TCP10L: variants seen among roughly 807,000 people sequenced by gnomAD.
TCP10L encodes the protein t-complex 10 like.
In TCP10L, 11 loss-of-function variants were observed where a neutral mutation model predicts 19.2. The ratio of observed to expected loss-of-function variants is 0.57; its 90% CI spans 0.36 to 0.95. The LOEUF (loss-of-function observed/expected upper bound fraction) is 0.95, where lower values mean the gene tolerates loss of function less well. Among genes scored for constraint, TCP10L ranks in the 40% least tolerant of loss-of-function variants. The probability of loss-of-function intolerance (pLI) is 0.01; values close to 1 mark genes in which losing one functional copy is unlikely to be tolerated. For missense variants in TCP10L, 247 were observed against 263.9 expected (o/e 0.94, Z 0.44); for synonymous variants, 96 against 97.2 (o/e 0.99, Z 0.07).
Position 32,576,428 on chromosome 21 carries a change from G to A in TCP10L, c.*346C>T, listed in dbSNP as rs2038434092. On this transcript the variant is annotated 3_prime_UTR_variant, in exon 5 of 5. Transcript: ENST00000300258. ...CACAAAGCCATCTTCAGCCATCCTC[G>A]ATTTCCAGCAAGACCCCAGGGCTCA... is the stretch of plus-strand genomic sequence containing the variant. 1.2e-6 allele frequency: 1 copy of A among 812,416 alleles called. No homozygotes were observed. Among genetic ancestry groups the A allele is most frequent in the Non-Finnish European group, 1.9e-6 (1 of 527,068 alleles). 50.3% of individuals were successfully genotyped at this position (812,416 alleles called of 1,614,324 possible). A position where few individuals can be genotyped will look rare whatever the true frequency, so the allele number is the denominator to read the frequency against.
rs1472532205 is a variant in TCP10L, at chr21:32,582,451, A to C, written c.145-36T>G. The C allele has an allele frequency of 2.5e-6, 4 of 1,588,416 alleles. No individual in the cohort carries two copies. The Admixed American group carries it at 7.2e-5, about 29-fold the overall frequency. ...GAAGAGAACACCAGAAAAACCTCTC[A>C]GATGTCACAATGGGCACATTTATCT... On this transcript the variant is annotated intron_variant, in intron 2 of 4. Coordinates refer to ENST00000300258, the MANE Select transcript of TCP10L (RefSeq NM_144659.7). The surrounding 1 kb of genome is among the most constrained non-coding windows in gnomAD (Gnocchi z 4.2).
rs1421115715 is a variant in TCP10L at position 32,582,014 on chromosome 21, C to T, written c.360+186G>A. On this transcript the variant is annotated intron_variant, in intron 3 of 4. Transcript: ENST00000300258. This position sits in a 1 kb window ranked among gnomAD's most constrained non-coding sequence, Gnocchi z 4.2. ...GTCTGCTGGAGTGCCAGGTGAGAGGCCTGATGTATCCAGTTCTTATTAATC... is the reference window on the plus strand; with the variant it reads ...GTCTGCTGGAGTGCCAGGTGAGAGGTCTGATGTATCCAGTTCTTATTAATC... 6.6e-6 allele frequency among the ~76,000 whole-genome samples: 1 copy of T among 152,026 alleles called. No homozygotes were observed. Among genetic ancestry groups the T allele is most frequent in the Non-Finnish European group, 1.5e-5 (1 of 68,008 alleles).
At chr21:32,585,002 G>T (rs138438145) in intron 1 of TCP10L, among the ~76,000 whole-genome samples, 290 of 152,276 alleles carry the variant, frequency 1.9e-3, no homozygotes, top group African/African-American at 6.8e-3. Flanking sequence ...CTGCAAGCCT[G>T]CAGGGTCGTC....
intron 2 of TCP10L, among the ~76,000 whole-genome samples, chr21:32,583,825 A>G (rs982505377): frequency 6.6e-5 from 10 of 151,784 alleles, no homozygotes; most frequent in Non-Finnish European, 1.2e-4. Flanking sequence ...GATGGTAAAA[A>G]TCAGGAAACT....
At chr21:32,576,957 TA>T (rs2038442886) in intron 4 of TCP10L, 34 bp from the exon 5 acceptor site, 1 of 1,589,388 alleles carries the variant, frequency 6.3e-7, no homozygotes, top group Non-Finnish European at 8.6e-7. Context: ...TTTGCATTAG[TA>T]ACAATTATAT....
In TCP10L at chr21:32,579,431, G is replaced by A. The variant is rs570416641; in HGVS notation, c.361-600C>T. Among the ~76,000 whole-genome samples, 4 of 152,276 alleles carry A rather than the reference G, an allele frequency of 2.6e-5. No homozygotes were observed. The East Asian group carries it at 5.8e-4, about 22-fold the overall frequency. On this transcript the variant is annotated intron_variant, in intron 3 of 4. Coordinates refer to ENST00000300258, the MANE Select transcript of TCP10L (RefSeq NM_144659.7). ...GTGGCTCACCCACACAGCCATGCCC[G>A]CGTTCTGTGGGTGCTCGAGTCTCAG...
intron 2 of TCP10L, among the ~76,000 whole-genome samples, chr21:32,583,588 CAAAA>C (rs771224269): frequency 3.0e-3 from 245 of 82,886 alleles, no homozygotes; most frequent in African/African-American, 6.5e-3. Flanking sequence ...GACTCCGTCT[CAAAA>C]AAAAAAAAAA....
rs1044652887 is a variant in TCP10L, at chr21:32,576,251, C to T, written c.*523G>A. The T allele has an allele frequency of 4.5e-6, 7 of 1,565,804 alleles. No homozygotes were observed. Among genetic ancestry groups the T allele is most frequent in the African/African-American group, 2.7e-5 (2 of 73,966 alleles). On this transcript the variant is annotated 3_prime_UTR_variant, in exon 5 of 5. Coordinates refer to ENST00000300258, the MANE Select transcript of TCP10L (RefSeq NM_144659.7). ...GCTGCCATCTGCTCCTGCAGCATGG[C>T]GGCCTGGGAAGCCTGCACTGGTGAT...
At chr21:32,580,476 CTGTGTGTGTGTGTGTGTGTGTGTG>C (rs3056366) in intron 3 of TCP10L, among the ~76,000 whole-genome samples, 4 of 137,236 alleles carry the variant, frequency 2.9e-5, no homozygotes, top group African/African-American at 8.2e-5. Flanking sequence ...CGGTGGGTGC[CTGTGTGTGTGTGTGTGTGTGTGTG>C]TGTGTGTGTG....
At chr21:32,581,638 C>G (rs1445470322) in intron 3 of TCP10L, among the ~76,000 whole-genome samples, 1 of 152,170 alleles carries the variant, frequency 6.6e-6, no homozygotes, top group Non-Finnish European at 1.5e-5. Context: ...GAGCCACACC[C>G]CCATCGCACA....
intron 2 of TCP10L, among the ~76,000 whole-genome samples, chr21:32,583,433 C>T (rs1212181491): frequency 6.6e-6 from 1 of 151,338 alleles, no homozygotes; most frequent in African/African-American, 2.4e-5. Flanking sequence ...ACTAAAAATA[C>T]AAAAAATTAG....
rs190872078 is a variant in TCP10L at position 32,582,869 on chromosome 21, A to G, written c.145-454T>C. Among the ~76,000 whole-genome samples, 3 of 152,160 alleles carry G rather than the reference A, an allele frequency of 2.0e-5. No individual in the cohort carries two copies. The highest frequency in any genetic ancestry group is 4.4e-5 in the Non-Finnish European group (3 of 68,010). The stretch of plus-strand genomic sequence containing the variant: ...CGGCCTCCCAAAGTGCTGGGATTAC[A>G]GGAATAAGCTACCATGCCTGGCCAT... On this transcript the variant is annotated intron_variant, in intron 2 of 4. Transcript: ENST00000300258. The surrounding 1 kb of genome is among the most constrained non-coding windows in gnomAD (Gnocchi z 4.2).
rs2038500724 is a variant in TCP10L at position 32,582,088 on chromosome 21, C to G, written c.360+112G>C. ...ATGGAAAGATAGCAACCCCTCCCAC[C>G]ACCCGGAGCGTGAGTGATACCGCGT... On this transcript the variant is annotated intron_variant, in intron 3 of 4. Coordinates refer to ENST00000300258, the MANE Select transcript of TCP10L (RefSeq NM_144659.7). This position sits in a 1 kb window ranked among gnomAD's most constrained non-coding sequence, Gnocchi z 4.2. 2 of 1,240,286 alleles carry G rather than the reference C, an allele frequency of 1.6e-6. No homozygotes were observed. 76.8% of individuals were successfully genotyped at this position (1,240,286 alleles called of 1,614,324 possible). A position where few individuals can be genotyped will look rare whatever the true frequency, so the allele number is the denominator to read the frequency against.
Position 32,578,711 on chromosome 21 carries a change from T to G in TCP10L, c.481A>C (p.Asn161His), listed in dbSNP as rs1158036724. The G allele has an allele frequency of 6.2e-7, 1 of 1,613,922 alleles. No individual in the cohort carries two copies. Among genetic ancestry groups the G allele is most frequent in the African/African-American group, 1.3e-5 (1 of 74,896 alleles). Residue 161 changes from asparagine to histidine, a missense_variant, in exon 4 of 5, where the codon AAT becomes CAT. Physicochemically the swap from Asn to His is moderately conservative, Grantham distance 68. Coordinates refer to ENST00000300258, the MANE Select transcript of TCP10L (RefSeq NM_144659.7). The surrounding 1 kb of genome is among the most constrained non-coding windows in gnomAD (Gnocchi z 4.2). ...TLLGQRSSSN[N>H]SAPPKPMSLK... ...AGGGTCACCTTTGGAGGAGCTGAAT[T>G]GTTAGATGACGATCTTTGTCCCAGG...
At chr21:32,581,375 A>G (rs2038492637) in intron 3 of TCP10L, among the ~76,000 whole-genome samples, 1 of 152,202 alleles carries the variant, frequency 6.6e-6, no homozygotes, top group African/African-American at 2.4e-5. Context: ...CTGATTTTTC[A>G]GGTACACCAA....
chr21:32,583,940 A>G (rs1169036133), intron 2 of TCP10L, among the ~76,000 whole-genome samples: 3 of 152,088 alleles, frequency 2.0e-5, no homozygotes, highest in African/African-American at 7.2e-5. Flanking sequence ...GAATGTTAAT[A>G]TTTTCTTTAA....
Position 32,576,540 on chromosome 21 carries a change from G to C in TCP10L, c.*234C>G, listed in dbSNP as rs1193331766. ...TATACCAACTACAGAGCTCAGGAAAGCAACTGATTTATAAAACCCAATCCA... is the reference window on the plus strand; with the variant it reads ...TATACCAACTACAGAGCTCAGGAAACCAACTGATTTATAAAACCCAATCCA... On this transcript the variant is annotated 3_prime_UTR_variant, in exon 5 of 5. Coordinates refer to ENST00000300258, the MANE Select transcript of TCP10L (RefSeq NM_144659.7). The C allele has an allele frequency of 1.6e-6, 1 of 610,522 alleles. No individual in the cohort carries two copies. Among genetic ancestry groups the C allele is most frequent in the Non-Finnish European group, 2.8e-6 (1 of 359,464 alleles). 37.8% of individuals were successfully genotyped at this position (610,522 alleles called of 1,614,324 possible).
Position 32,576,836 on chromosome 21 carries a change from C to G in TCP10L, c.586G>C (p.Asp196His), listed in dbSNP as rs1368385013. The change falls in exon 5 of 5, where the codon GAC becomes CAC. Residue 196 changes from aspartate (D) to histidine (H), a missense_variant. Asp to His is a moderately conservative substitution (Grantham distance 81). Transcript: ENST00000300258. Reference sequence around the variant, plus strand: ...CTTCCAGTAGGTGTTGCTCTTCTGTCTTGACGTCTCCTGGAAAGATTTTTA... The same window carrying G: ...CTTCCAGTAGGTGTTGCTCTTCTGTGTTGACGTCTCCTGGAAAGATTTTTA... ...RDKNLSRRRQ[D>H]RRATPTGRPT... 5 of 1,614,054 alleles carry G rather than the reference C, an allele frequency of 3.1e-6. No homozygotes were observed. The highest frequency in any genetic ancestry group is 4.2e-6 in the Non-Finnish European group (5 of 1,180,026).
chr21:32,581,579 C>T (rs774149927), intron 3 of TCP10L, among the ~76,000 whole-genome samples: 3 of 152,170 alleles, frequency 2.0e-5, no homozygotes, highest in East Asian at 3.9e-4. Context: ...CATAGCCTGC[C>T]GGTCTGTACA....
Sources: allele counts gnomAD v4.1 joint callset (sites outside exome capture counted in the v4.1 genomes callset), GRCh38; gene constraint gnomAD v4.1.1; non-coding constraint Gnocchi (gnomAD v3.1); transcripts MANE v1.5; gene names NCBI Gene and HGNC (gene_info 2026-07-23, HGNC 2026-07-21).